Variants in LIX1L observed in about 807,000 individuals in gnomAD.
The protein encoded by LIX1L is limb and CNS expressed 1 like.
Under a neutral mutation model 34.0 loss-of-function variants are expected in LIX1L, and 20 were observed. That is an observed-to-expected ratio of 0.59 (90% CI 0.41 to 0.85). LIX1L has a LOEUF of 0.85. Among genes scored for constraint, LIX1L ranks in the 40% least tolerant of loss-of-function variants. The probability of loss-of-function intolerance (pLI) is 0.00; values close to 1 mark genes in which losing one functional copy is unlikely to be tolerated. For synonymous variants in LIX1L, 170 were observed against 187.4 expected, an observed-to-expected ratio of 0.91 and a Z score of 0.76; for missense variants, 397 against 447.0, an observed-to-expected ratio of 0.89 and a Z score of 1.01.
At position 145,945,522 on chromosome 1, in the gene LIX1L, G is replaced by A. The variant is rs941277795; in HGVS notation, c.456+2097C>T. On this transcript the variant is annotated intron_variant, in intron 2 of 5. Coordinates refer to ENST00000604000, the MANE Select transcript of LIX1L (RefSeq NM_153713.3). ...AGCACCTTGGGAGGCCGAGGTGGGC[G>A]GATTGCTTGAGGTCAGGAGTTCGAG... Among the ~76,000 whole-genome samples, 11 of 150,658 alleles carry A rather than the reference G, an allele frequency of 7.3e-5. 1 individual carries two copies. Among genetic ancestry groups the A allele is most frequent in the South Asian group, 6.3e-4 (3 of 4,750 alleles).
At chr1:145,949,818 C>CTT (rs587663292) in intron 1 of LIX1L, among the ~76,000 whole-genome samples, 16 of 139,644 alleles carry the variant, frequency 1.1e-4, no homozygotes, top group African/African-American at 1.3e-4. Flanking sequence ...GACCACTCTC[C>CTT]TTTTTTTTTT....
chr1:145,947,172 A>G (rs1363418089), intron 2 of LIX1L: 1 of 158,556 alleles, frequency 6.3e-6, no homozygotes, highest in Non-Finnish European at 1.4e-5. Context: ...TAACTCTTAG[A>G]TGAGTACTGT....
rs376421123 is a variant in LIX1L at position 145,936,925 on chromosome 1, G to T, written c.754C>A (p.Arg252=). The part of the protein sequence containing the change: ...WNGSLKAMRE[R]QCSRQEVLAH... ...TCTCTTACCTGCCGAGAGCATTGTCGTTCCCTCATGGCCTTAAGGCTGCCA... is the reference window on the plus strand; with the variant it reads ...TCTCTTACCTGCCGAGAGCATTGTCTTTCCCTCATGGCCTTAAGGCTGCCA... Residue 252 remains arginine (R), a synonymous_variant, in exon 5 of 6, where the codon CGA becomes AGA. Transcript: ENST00000604000. 4.3e-6 allele frequency: 7 copies of T among 1,612,106 alleles called. No individual in the cohort carries two copies. In the African/African-American group the frequency reaches 8.0e-5, roughly 18 times the overall value.
At chr1:145,937,428 G>A in intron 4 of LIX1L, 176 bp downstream of exon 4, 2 of 485,544 alleles carry the variant, frequency 4.1e-6, no homozygotes. Flanking sequence ...CAAAGTGCTG[G>A]GATTACAGGC....
intron 3 of LIX1L, among the ~76,000 whole-genome samples, chr1:145,940,526 T>TTA (rs1648866724): frequency 6.6e-6 from 1 of 150,386 alleles, no homozygotes; most frequent in African/African-American, 2.5e-5. Context: ...TTTGTATTTT[T>TTA]TCTTTTTTTT....
chr1:145,939,746 T>G (rs1174061869), intron 3 of LIX1L: 2 of 149,876 alleles, frequency 1.3e-5, no homozygotes, highest in Non-Finnish European at 3.0e-5. Context: ...CAAGTGATAC[T>G]CCTGTCTCAG....
chr1:145,955,579 A>G (rs897455110), intron 1 of LIX1L, among the ~76,000 whole-genome samples: 1 of 152,234 alleles, frequency 6.6e-6, no homozygotes, highest in African/African-American at 2.4e-5. Flanking sequence ...AATATATGCC[A>G]GTGGCAGCTT....
At chr1:145,949,405 G>A (rs144899384) in intron 1 of LIX1L, among the ~76,000 whole-genome samples, 133 of 152,252 alleles carry the variant, frequency 8.7e-4, no homozygotes, top group Middle Eastern at 6.8e-3. Context: ...TGTTCTGTGC[G>A]TAAGGAACAG....
intron 3 of LIX1L, chr1:145,941,870 A>G (rs916584329): frequency 6.6e-6 from 1 of 152,056 alleles, no homozygotes; most frequent in Admixed American, 6.6e-5. Context: ...TAAATACTCA[A>G]TTAGGATTAA....
chr1:145,957,630 A>C lies in LIX1L; in HGVS notation c.292+6T>G, dbSNP rs781825151. 1 of 1,524,118 alleles carries C rather than the reference A, an allele frequency of 6.6e-7. No individual in the cohort carries two copies. Among genetic ancestry groups the C allele is most frequent in the Non-Finnish European group, 8.8e-7 (1 of 1,141,088 alleles). The allele number at this position is 1,524,118 out of a possible 1,614,324, so 94.4% of individuals were successfully genotyped here. A position where few individuals can be genotyped will look rare whatever the true frequency, so the allele number is the denominator to read the frequency against. ...GTCGCGCAGGAGGCCAGACCCGCAGACTCACCTCGGCCATAGCCCTGCGTG... is the reference window on the plus strand; with the variant it reads ...GTCGCGCAGGAGGCCAGACCCGCAGCCTCACCTCGGCCATAGCCCTGCGTG... On this transcript the variant is annotated splice_donor_region_variant and intron_variant, in intron 1 of 5. Transcript: ENST00000604000.
chr1:145,953,219 T>TA (rs1453978926), intron 1 of LIX1L, among the ~76,000 whole-genome samples: 16 of 152,170 alleles, frequency 1.1e-4, no homozygotes, highest in African/African-American at 3.9e-4. Flanking sequence ...CTGGCCAGGA[T>TA]AAAAATATTA....
chr1:145,942,973 G>A (rs1232336687), intron 2 of LIX1L, 120 bp from the exon 3 acceptor site: 1 of 961,870 alleles, frequency 1.0e-6, no homozygotes, highest in Non-Finnish European at 1.6e-6. Context: ...TAAATCAGTT[G>A]TGTTCAACAC....
At chr1:145,949,222 T>C (rs954141940) in intron 1 of LIX1L, among the ~76,000 whole-genome samples, 10 of 152,194 alleles carry the variant, frequency 6.6e-5, no homozygotes, top group Admixed American at 5.2e-4. Context: ...GAAAGAGATA[T>C]TAACCAAATC....
At chr1:145,952,032 T>C (rs12067193) in intron 1 of LIX1L, among the ~76,000 whole-genome samples, 5,441 of 152,288 alleles carry the variant, frequency 0.036, 325 homozygotes, top group African/African-American at 0.12. Context: ...TCTAGACTTA[T>C]TCATTTTTAG....
rs1390016643 is a variant in LIX1L, at chr1:145,933,926, C to A, written c.*2384G>T. ...TTTCAAAAGCAAGAAAGTTGCCTTT[C>A]ATCTTGCCCCTATCAAATCCAAAAG... On this transcript the variant is annotated 3_prime_UTR_variant, in exon 6 of 6. Transcript: ENST00000604000. 2 of 152,272 alleles carry A rather than the reference C, an allele frequency of 1.3e-5. No individual in the cohort carries two copies. The highest frequency in any genetic ancestry group is 2.9e-5 in the Non-Finnish European group (2 of 68,040). 9.4% of individuals were successfully genotyped at this position (152,272 alleles called of 1,614,324 possible). A position where few individuals can be genotyped will look rare whatever the true frequency, so the allele number is the denominator to read the frequency against.
rs587725367 is a variant in LIX1L at position 145,951,248 on chromosome 1, T to C, written c.293-3466A>G. Among the ~76,000 whole-genome samples, 495 of 152,288 alleles carry C rather than the reference T, an allele frequency of 3.3e-3. 1 individual carries two copies. The highest frequency in any genetic ancestry group is 5.2e-3 in the Non-Finnish European group (355 of 68,018). ...TTTTAGTAGAGACACGGTTTCACCA[T>C]ATTGGTCAGGCTGGTCTCAAACTCC... On this transcript the variant is annotated intron_variant, in intron 1 of 5. Coordinates refer to ENST00000604000, the MANE Select transcript of LIX1L (RefSeq NM_153713.3).
At chr1:145,951,843 A>C (rs1479732329) in intron 1 of LIX1L, among the ~76,000 whole-genome samples, 1 of 152,224 alleles carries the variant, frequency 6.6e-6, no homozygotes, top group African/African-American at 2.4e-5. Flanking sequence ...TAAAAAGCAT[A>C]TGTTCAGTCT....
At chr1:145,938,499 T>C (rs186615386) in intron 3 of LIX1L, among the ~76,000 whole-genome samples, 6 of 152,306 alleles carry the variant, frequency 3.9e-5, no homozygotes, top group Non-Finnish European at 8.8e-5. Context: ...AGTTTCCTCT[T>C]CTGTAAGATG....
chr1:145,934,561 G>GAGACTCC lies in LIX1L; in HGVS notation c.*1742_*1748dup, dbSNP rs1433015031. 1.0e-5 allele frequency: 1 copy of GAGACTCC among 97,902 alleles called. No individual in the cohort carries two copies. Among genetic ancestry groups the GAGACTCC allele is most frequent in the Non-Finnish European group, 2.0e-5 (1 of 49,978 alleles). 6.1% of individuals were successfully genotyped at this position (97,902 alleles called of 1,614,324 possible). ...TGCACTCCAGCCTGGGCGACAGAGCGAGACTCCGTCTCAAAAAAAAAAAAA... is the reference window on the plus strand; with the variant it reads ...TGCACTCCAGCCTGGGCGACAGAGCGAGACTCCAGACTCCGTCTCAAAAAAAAAAAAA... On this transcript the variant is annotated 3_prime_UTR_variant, in exon 6 of 6. Transcript: ENST00000604000.
Sources: allele counts gnomAD v4.1 joint callset (sites outside exome capture counted in the v4.1 genomes callset), GRCh38; gene constraint gnomAD v4.1.1; transcripts MANE v1.5; gene names NCBI Gene and HGNC (gene_info 2026-07-23, HGNC 2026-07-21).